DDR2: variants seen among roughly 807,000 people sequenced by gnomAD.
DDR2 encodes discoidin domain-containing receptor 2.
In DDR2, 27 loss-of-function variants were observed where a neutral mutation model predicts 94.9. The ratio of observed to expected loss-of-function variants is 0.28; its 90% confidence interval spans 0.21 to 0.39. The LOEUF is 0.39. DDR2 is among the 10% of genes least tolerant of loss of function. The pLI, the probability that DDR2 is intolerant of heterozygous loss-of-function variation, is 1.00. For missense variants in DDR2, 783 were observed against 1,076.0 expected, an observed-to-expected ratio of 0.73 and a Z score of 3.81; for synonymous variants, 382 against 377.2, an observed-to-expected ratio of 1.01 and a Z score of -0.15.
At chr1:162,708,562 G>A (rs528533993) in intron 2 of DDR2, among the ~76,000 whole-genome samples, 5 of 152,286 alleles carry the variant, frequency 3.3e-5, no homozygotes, top group East Asian at 3.9e-4. Flanking sequence ...ATCAAGCAGC[G>A]TAATCACATC....
chr1:162,651,546 G>T (rs6427691), intron 1 of DDR2, among the ~76,000 whole-genome samples: 2 of 151,872 alleles, frequency 1.3e-5, no homozygotes, highest in Non-Finnish European at 2.9e-5. Flanking sequence ...TACCAACCCA[G>T]ACATATATAT....
At chr1:162,767,422 G>A in intron 11 of DDR2, 63 bp downstream of exon 11, 1 of 1,598,182 alleles carries the variant, frequency 6.3e-7, no homozygotes, top group Admixed American at 1.7e-5. Flanking sequence ...AGCCACTGTT[G>A]TCCCAGGAGT....
Position 162,781,021 on chromosome 1 carries a change from A to G in DDR2, c.*775A>G. 6.6e-6 allele frequency: 1 copy of G among 152,216 alleles called. No individual in the cohort carries two copies. 9.4% of individuals were successfully genotyped at this position (152,216 alleles called of 1,614,324 possible). ...GAATAGATAATGGACATAGGAAAGG[A>G]GGTCAATGGAGGACACATAACAGAC... On this transcript the variant is annotated 3_prime_UTR_variant, in exon 18 of 18. Coordinates refer to ENST00000367921, the MANE Select transcript of DDR2 (RefSeq NM_006182.4).
intron 3 of DDR2, among the ~76,000 whole-genome samples, chr1:162,727,302 TA>T (rs1661731002): frequency 2.1e-5 from 3 of 140,344 alleles, no homozygotes; most frequent in Admixed American, 1.5e-4. Flanking sequence ...AAAATATGTA[TA>T]AAAATAAACA....
chr1:162,658,120 A>T (rs1446223476), intron 2 of DDR2, among the ~76,000 whole-genome samples: 1 of 152,178 alleles, frequency 6.6e-6, no homozygotes, highest in Non-Finnish European at 1.5e-5. Context: ...CTTAGTCTTC[A>T]TTAGTTAGAA....
At chr1:162,760,731 T>G (rs993464379) in intron 8 of DDR2, among the ~76,000 whole-genome samples, 1 of 151,978 alleles carries the variant, frequency 6.6e-6, no homozygotes, top group African/African-American at 2.4e-5. Context: ...CCTGGTTACC[T>G]GTATGCACTG....
chr1:162,662,953 G>C (rs541647997), intron 2 of DDR2, among the ~76,000 whole-genome samples: 3 of 152,260 alleles, frequency 2.0e-5, no homozygotes, highest in African/African-American at 7.2e-5. Flanking sequence ...ACACGGGACA[G>C]AGGACCCTTT....
intron 3 of DDR2, among the ~76,000 whole-genome samples, chr1:162,733,913 T>C (rs763765093): frequency 1.3e-5 from 2 of 152,210 alleles, no homozygotes; most frequent in Non-Finnish European, 2.9e-5. Flanking sequence ...GTATTTTCCA[T>C]AGCTTCGTCA....
At position 162,748,064 on chromosome 1, in the gene DDR2, C is replaced by T. The variant is rs151249148; in HGVS notation, c.83-5031C>T. ...CAAAAACATGCCAAATTGTAAACAC[C>T]ATCGATGCTAGGAAGAAACTGCATC... On this transcript the variant is annotated intron_variant, in intron 3 of 17. Transcript: ENST00000367921. 9.5e-3 allele frequency among the ~76,000 whole-genome samples: 1,446 copies of T among 152,278 alleles called. 23 individuals are homozygous for T. The highest frequency in any genetic ancestry group is 0.033 in the African/African-American group (1,381 of 41,544).
intron 2 of DDR2, among the ~76,000 whole-genome samples, chr1:162,683,572 A>G (rs1487519176): frequency 6.6e-6 from 1 of 152,194 alleles, no homozygotes; most frequent in Non-Finnish European, 1.5e-5. Context: ...AATAAGAAAT[A>G]TAGTGCTAAT....
At chr1:162,755,427 A>C in intron 6 of DDR2, 124 bp downstream of exon 6, 1 of 1,318,616 alleles carries the variant, frequency 7.6e-7, no homozygotes, top group African/African-American at 1.5e-5. Flanking sequence ...CCTCTTGGGA[A>C]GAATAGAGAC....
rs1441373801 is a variant in DDR2, at chr1:162,658,663, A to C, written c.-28+3289A>C. 2.1e-5 allele frequency among the ~76,000 whole-genome samples: 2 copies of C among 96,678 alleles called. 1 individual carries two copies. Among genetic ancestry groups the C allele is most frequent in the South Asian group, 5.6e-4 (2 of 3,590 alleles). The allele number at this position is 96,678 out of a possible 152,430, so 63.4% of individuals were successfully genotyped here. On this transcript the variant is annotated intron_variant, in intron 2 of 17. Transcript: ENST00000367921. ...CAACGTGGCAAGACCTTGTCTGTAC[A>C]AAAAAAAAAAAAAAAAATGCCAGGT...
chr1:162,690,717 T>C (rs1659925595), intron 2 of DDR2, among the ~76,000 whole-genome samples: 3 of 152,192 alleles, frequency 2.0e-5, no homozygotes, highest in African/African-American at 7.2e-5. Context: ...TAACCATGAC[T>C]AAAAATAAAT....
At chr1:162,673,092 A>T (rs1028368617) in intron 2 of DDR2, among the ~76,000 whole-genome samples, 2 of 152,230 alleles carry the variant, frequency 1.3e-5, no homozygotes, top group Non-Finnish European at 2.9e-5. Context: ...GTAATTAGAC[A>T]TAAAGACATT....
chr1:162,778,815 C>T (rs188811864), intron 17 of DDR2, 86 bp downstream of exon 17: 1,151 of 1,560,310 alleles, frequency 7.4e-4, no homozygotes, highest in South Asian at 1.1e-3. Context: ...AGGAGTGGGC[C>T]GAGATGGAAG....
chr1:162,767,418 T>C (rs1003209173), intron 11 of DDR2, 59 bp downstream of exon 11: 1 of 1,603,072 alleles, frequency 6.2e-7, no homozygotes, highest in African/African-American at 1.3e-5. Context: ...CTTAAGCCAC[T>C]GTTGTCCCAG....
At chr1:162,739,532 C>A (rs1489000452) in intron 3 of DDR2, among the ~76,000 whole-genome samples, 1 of 152,094 alleles carries the variant, frequency 6.6e-6, no homozygotes, top group Non-Finnish European at 1.5e-5. Context: ...GTCTCAAACT[C>A]CTGACCTCAA....
chr1:162,761,568 C>T, intron 9 of DDR2, 114 bp downstream of exon 9: 1 of 1,529,212 alleles, frequency 6.5e-7, no homozygotes, highest in South Asian at 1.2e-5. Flanking sequence ...GTACAGGCAG[C>T]TTCTCATTGA....
chr1:162,778,813 G>A (rs1256873810), intron 17 of DDR2, 84 bp downstream of exon 17: 36 of 1,569,932 alleles, frequency 2.3e-5, no homozygotes, highest in South Asian at 3.4e-5. Context: ...GCAGGAGTGG[G>A]CCGAGATGGA....
Sources: gnomAD v4.1 joint callset for allele counts (sites outside exome capture counted in the v4.1 genomes callset) on GRCh38, gnomAD v4.1.1 for gene constraint, MANE v1.5 for transcripts, NCBI Gene and HGNC (gene_info 2026-07-23, HGNC 2026-07-21) for gene names.